The following TMEM126A variants were observed in gnomAD, a reference collection of about 807,000 sequenced individuals.
TMEM126A encodes optic atrophy 7.
Under a neutral mutation model 18.3 loss-of-function variants are expected in TMEM126A, and 10 were observed. That is an observed-to-expected ratio of 0.55 (90% CI 0.34 to 0.93). The LOEUF (loss-of-function observed/expected upper bound fraction) is 0.93, where lower values mean the gene tolerates loss of function less well. Ranked by LOEUF, TMEM126A falls within the 40% of genes least tolerant of loss-of-function variation. The pLI is 0.02. For missense variants in TMEM126A, 246 were observed against 230.2 expected (o/e 1.07, Z -0.44); for synonymous variants, 68 against 78.1 (o/e 0.87, Z 0.68).
rs768471322 is a variant in TMEM126A, at chr11:85,650,354, C to T, written c.86+13C>T. 6.4e-7 allele frequency: 1 copy of T among 1,574,246 alleles called. No individual in the cohort carries two copies. The highest frequency in any genetic ancestry group is 1.1e-5 in the South Asian group (1 of 89,898). Reference sequence around the variant, plus strand: ...CAGAAGCAGAAAGGTAAGATCCCTTCTTAATTTAAAAACACCTTTTATCAG... The same window carrying T: ...CAGAAGCAGAAAGGTAAGATCCCTTTTTAATTTAAAAACACCTTTTATCAG... On this transcript the variant is annotated intron_variant, in intron 2 of 4. Coordinates refer to ENST00000304511, the MANE Select transcript of TMEM126A (RefSeq NM_032273.4).
At chr11:85,653,088 CTGTTA>C (rs1171765884) in intron 2 of TMEM126A, among the ~76,000 whole-genome samples, 9 of 152,134 alleles carry the variant, frequency 5.9e-5, no homozygotes, top group African/African-American at 1.9e-4. Flanking sequence ...TCATAGACTT[CTGTTA>C]TATCTCGTTT....
At chr11:85,650,672 GTTCA>G (rs1393096739) in intron 2 of TMEM126A, among the ~76,000 whole-genome samples, 6 of 151,868 alleles carry the variant, frequency 4.0e-5, no homozygotes, top group African/African-American at 9.7e-5. Flanking sequence ...TTTTTTCCCA[GTTCA>G]TTCTGTCAGT....
intron 2 of TMEM126A, among the ~76,000 whole-genome samples, chr11:85,652,156 T>C (rs1014709003): frequency 1.3e-5 from 2 of 152,154 alleles, no homozygotes; most frequent in African/African-American, 4.8e-5. Flanking sequence ...AGAGCAAGAC[T>C]GTCTCAAAAA....
At chr11:85,650,370 C>G (rs771936513) in intron 2 of TMEM126A, 29 bp downstream of exon 2, 2 of 1,455,642 alleles carry the variant, frequency 1.4e-6, no homozygotes, top group South Asian at 2.3e-5. Flanking sequence ...TTAAAAACAC[C>G]TTTTATCAGG....
chr11:85,655,698 C>G lies in TMEM126A; in HGVS notation c.385C>G (p.Leu129Val), dbSNP rs546358774. 260 of 1,611,586 alleles carry G rather than the reference C, an allele frequency of 1.6e-4. 1 individual carries two copies. In the South Asian group the frequency reaches 2.6e-3, roughly 16 times the overall value. The change falls in exon 4 of 5, where the codon CTA becomes GTA. Residue 129 changes from leucine (L) to valine (V), a missense_variant. Transcript: ENST00000304511. ...VFLAIPVNGG[L>V]AARYQSALLP... is the part of the protein sequence containing the mutation. Reference sequence around the variant, plus strand: ...CTTGGCTATACCTGTAAATGGTGGTCTAGCAGCCAGGTAGGAAATAAAAAA... The same window carrying G: ...CTTGGCTATACCTGTAAATGGTGGTGTAGCAGCCAGGTAGGAAATAAAAAA...
chr11:85,648,818 C>T (rs1194779972), intron 1 of TMEM126A, among the ~76,000 whole-genome samples: 2 of 152,082 alleles, frequency 1.3e-5, no homozygotes, highest in African/African-American at 2.4e-5. Context: ...TCCAAATGAC[C>T]TCTTATCGAT....
At chr11:85,656,191 C>T (rs575611999) in intron 4 of TMEM126A, 118 bp from the exon 5 acceptor site, 1 of 907,926 alleles carries the variant, frequency 1.1e-6, no homozygotes, top group South Asian at 1.5e-5. Flanking sequence ...ACACTGAAGA[C>T]CTTTACTTTA....
intron 3 of TMEM126A, 127 bp downstream of exon 3, chr11:85,654,383 A>G (rs1591465195): frequency 1.1e-6 from 1 of 927,596 alleles, no homozygotes; most frequent in South Asian, 1.5e-5. Flanking sequence ...TTGCTAGCCT[A>G]TATAATGTGG....
chr11:85,655,558 C>T (rs1254997543), intron 3 of TMEM126A, 36 bp from the exon 4 acceptor site: 1 of 1,456,812 alleles, frequency 6.9e-7, no homozygotes, highest in Non-Finnish European at 9.6e-7. Flanking sequence ...GCTTGACTAT[C>T]ATGACCTTCA....
rs189831887 is a variant in TMEM126A, at chr11:85,650,567, A to C, written c.86+226A>C. On this transcript the variant is annotated intron_variant, in intron 2 of 4. Coordinates refer to ENST00000304511, the MANE Select transcript of TMEM126A (RefSeq NM_032273.4). Reference sequence around the variant, plus strand: ...GTCTTTGGACATACCTAATTGTATAATGTTTTGAGTTTTTCCATTAGGCTT... The same window carrying C: ...GTCTTTGGACATACCTAATTGTATACTGTTTTGAGTTTTTCCATTAGGCTT... 3.9e-5 allele frequency among the ~76,000 whole-genome samples: 6 copies of C among 152,332 alleles called. No individual in the cohort carries two copies. The East Asian group carries it at 5.8e-4, about 15-fold the overall frequency.
chr11:85,651,561 T>C (rs558231977), intron 2 of TMEM126A, among the ~76,000 whole-genome samples: 8 of 152,140 alleles, frequency 5.3e-5, no homozygotes, highest in Admixed American at 2.0e-4. Flanking sequence ...TCTGGAAGCA[T>C]AATCTTGCTA....
intron 2 of TMEM126A, 68 bp downstream of exon 2, chr11:85,650,409 A>C: frequency 4.0e-4 from 453 of 1,137,968 alleles, no homozygotes; most frequent in Non-Finnish European, 5.3e-4. Flanking sequence ...TCATTATCTC[A>C]AGTTTATCTG....
intron 2 of TMEM126A, 143 bp from the exon 3 acceptor site, chr11:85,653,920 C>A: frequency 1.1e-6 from 1 of 945,422 alleles, no homozygotes; most frequent in Non-Finnish European, 1.7e-6. Flanking sequence ...ATATATAAAG[C>A]AATTTTTAAG....
chr11:85,649,446 G>GTATGTTACCTGCAAAGCCTAC (rs2082484019), intron 1 of TMEM126A, among the ~76,000 whole-genome samples: 1 of 152,182 alleles, frequency 6.6e-6, no homozygotes, highest in African/African-American at 2.4e-5. Flanking sequence ...AACAAAGGCT[G>GTATGTTACCTGCAAAGCCTAC]TATGTTACCT....
chr11:85,650,338 A>C lies in TMEM126A; in HGVS notation c.83A>C (p.Glu28Ala). ...AAAATTAACCAGCTTCCAGAAGCAG[A>C]AAGGTAAGATCCCTTCTTAATTTAA... ...SRKINQLPEA[E>A]RNLLENGSVY... is the part of the protein sequence containing the mutation. The change falls in exon 2 of 5, where the codon GAA becomes GCA. Residue 28 changes from glutamate to alanine, a missense_variant. Coordinates refer to ENST00000304511, the MANE Select transcript of TMEM126A (RefSeq NM_032273.4). The C allele has an allele frequency of 1.3e-6, 2 of 1,599,394 alleles. No individual in the cohort carries two copies. Among genetic ancestry groups the C allele is most frequent in the Non-Finnish European group, 1.7e-6 (2 of 1,167,242 alleles).
intron 2 of TMEM126A, among the ~76,000 whole-genome samples, chr11:85,652,958 A>T (rs2082511972): frequency 6.6e-6 from 1 of 151,958 alleles, no homozygotes; most frequent in Non-Finnish European, 1.5e-5. Context: ...AAAAAAAAAT[A>T]GGCTTTTCAC....
chr11:85,650,370 CT>C, intron 2 of TMEM126A, 29 bp downstream of exon 2: 1 of 1,455,642 alleles, frequency 6.9e-7, no homozygotes, highest in Non-Finnish European at 9.6e-7. Flanking sequence ...TTAAAAACAC[CT>C]TTTATCAGGT....
chr11:85,650,516 T>C (rs966656730), intron 2 of TMEM126A, among the ~76,000 whole-genome samples, 175 bp downstream of exon 2: 3 of 152,226 alleles, frequency 2.0e-5, no homozygotes, highest in Non-Finnish European at 4.4e-5. Flanking sequence ...ACATAGCTAA[T>C]TGTGGAAGGT....
chr11:85,653,619 G>A (rs756942522), intron 2 of TMEM126A, among the ~76,000 whole-genome samples: 2 of 152,104 alleles, frequency 1.3e-5, no homozygotes, highest in Non-Finnish European at 2.9e-5. Flanking sequence ...CCTAGCATAG[G>A]GTATTGCTTA....
Sources: allele counts gnomAD v4.1 joint callset (sites outside exome capture counted in the v4.1 genomes callset), GRCh38; gene constraint gnomAD v4.1.1; transcripts MANE v1.5; gene names NCBI Gene and HGNC (gene_info 2026-07-23, HGNC 2026-07-21).